The following CNTNAP2 variants were observed in gnomAD, a reference collection of about 807,000 sequenced individuals.
CNTNAP2 encodes contactin-associated protein-like 2.
A neutral mutation model predicts 155.2 loss-of-function variants in CNTNAP2; 98 were observed. The ratio of observed to expected loss-of-function variants is 0.63; its 90% CI spans 0.54 to 0.75. CNTNAP2 has a LOEUF of 0.75. CNTNAP2 is among the 30% of genes least tolerant of loss of function. The pLI is 0.00. For synonymous variants in CNTNAP2, 651 were observed against 631.2 expected, an observed-to-expected ratio of 1.03 and a Z score of -0.47; for missense variants, 1,727 against 1,688.1, an observed-to-expected ratio of 1.02 and a Z score of -0.40.
intron 3 of CNTNAP2, among the ~76,000 whole-genome samples, chr7:146,952,208 G>A (rs1197286800): frequency 6.6e-6 from 1 of 152,038 alleles, no homozygotes; most frequent in Non-Finnish European, 1.5e-5. Context: ...TGCTGAAAAG[G>A]CCTTCGATAA....
intron 17 of CNTNAP2, among the ~76,000 whole-genome samples, chr7:148,159,128 G>A (rs535339252): frequency 3.9e-5 from 6 of 152,170 alleles, no homozygotes; most frequent in South Asian, 2.1e-4. Context: ...CTGCTCCTTC[G>A]TGTTTTCAAG....
At chr7:147,738,032 C>A (rs28869855) in intron 13 of CNTNAP2, among the ~76,000 whole-genome samples, 8,423 of 152,226 alleles carry the variant, frequency 0.055, 744 homozygotes, top group African/African-American at 0.19. Flanking sequence ...GTCCTGCACC[C>A]ACTGTCCAAC....
rs950296164 is a variant in CNTNAP2, at chr7:146,495,219, A to C, written c.98-279052A>C. ...TATGTTTGACATGTATCTGGATCCA[A>C]GGGAGAGAACAGATTTCCCAAAACA... On this transcript the variant is annotated intron_variant, in intron 1 of 23. Coordinates refer to ENST00000361727, the MANE Select transcript of CNTNAP2 (RefSeq NM_014141.6). Among the ~76,000 whole-genome samples, 5 of 152,344 alleles carry C rather than the reference A, an allele frequency of 3.3e-5. No homozygotes were observed. In the East Asian group the frequency reaches 5.8e-4, roughly 18 times the overall value.
chr7:148,045,211 C>T (rs1329713443), intron 15 of CNTNAP2, among the ~76,000 whole-genome samples: 2 of 152,126 alleles, frequency 1.3e-5, no homozygotes, highest in Non-Finnish European at 2.9e-5. Flanking sequence ...CCTGGACACG[C>T]AGGCTCCACC....
At chr7:146,432,192 A>C (rs1796182788) in intron 1 of CNTNAP2, among the ~76,000 whole-genome samples, 1 of 152,172 alleles carries the variant, frequency 6.6e-6, no homozygotes, top group African/African-American at 2.4e-5. Context: ...AGAAAAAAAC[A>C]TATTTGAATC....
intron 14 of CNTNAP2, among the ~76,000 whole-genome samples, chr7:147,906,360 G>T (rs1004854492): frequency 6.6e-6 from 1 of 151,642 alleles, no homozygotes; most frequent in African/African-American, 2.4e-5. Flanking sequence ...TAGTACAGAC[G>T]GGGTTTCACC....
chr7:146,723,021 A>G lies in CNTNAP2; in HGVS notation c.98-51250A>G, dbSNP rs566642779. ...CATAACAAGACTCCATCTCAAAAAA[A>G]TTTTCTTAATAAACATATATGTTGA... On this transcript the variant is annotated intron_variant, in intron 1 of 23. Coordinates refer to ENST00000361727, the MANE Select transcript of CNTNAP2 (RefSeq NM_014141.6). 1.3e-4 allele frequency among the ~76,000 whole-genome samples: 20 copies of G among 152,128 alleles called. No homozygotes were observed. In the South Asian group the frequency reaches 3.9e-3, roughly 30 times the overall value.
rs140773386 is a variant in CNTNAP2 at position 148,106,550 on chromosome 7, G to A, written c.2384-11568G>A. Among the ~76,000 whole-genome samples the A allele has an allele frequency of 5.8e-3, 807 of 138,594 alleles. 4 individuals carry two copies. Among genetic ancestry groups the A allele is most frequent in the African/African-American group, 0.022 (724 of 32,684 alleles). 90.9% of individuals were successfully genotyped at this position (138,594 alleles called of 152,430 possible). On this transcript the variant is annotated intron_variant, in intron 15 of 23. Transcript: ENST00000361727. ...TTTTTTTTTCCTAATAAATAGAGAC[G>A]AGGTCTCACTATGTCGCCCAGGCTG...
At chr7:147,175,542 C>T (rs1802322341) in intron 8 of CNTNAP2, among the ~76,000 whole-genome samples, 1 of 152,096 alleles carries the variant, frequency 6.6e-6, no homozygotes, top group Non-Finnish European at 1.5e-5. Context: ...CCTTCCCTCC[C>T]AGTGAAACCA....
At chr7:146,549,575 C>T (rs946486368) in intron 1 of CNTNAP2, among the ~76,000 whole-genome samples, 1 of 152,032 alleles carries the variant, frequency 6.6e-6, no homozygotes, top group South Asian at 2.1e-4. Context: ...TATCTATTTG[C>T]AGCCTCTCTG....
intron 12 of CNTNAP2, among the ~76,000 whole-genome samples, chr7:147,565,424 T>G (rs2116796393): frequency 6.6e-6 from 1 of 152,230 alleles, no homozygotes; most frequent in African/African-American, 2.4e-5. Context: ...TATGGAAAGA[T>G]TTTAAGCAGG....
At chr7:147,936,555 G>T (rs1294667133) in intron 14 of CNTNAP2, among the ~76,000 whole-genome samples, 1 of 152,076 alleles carries the variant, frequency 6.6e-6, no homozygotes, top group Non-Finnish European at 1.5e-5. Context: ...TCTGGAGTTG[G>T]TTTTGCTTCA....
intron 8 of CNTNAP2, among the ~76,000 whole-genome samples, chr7:147,279,159 T>C (rs1332712903): frequency 2.0e-5 from 3 of 151,764 alleles, no homozygotes; most frequent in East Asian, 1.9e-4. Context: ...GTGATAGATA[T>C]ACTTGGATTT....
At chr7:147,695,254 G>A (rs1406226150) in intron 13 of CNTNAP2, among the ~76,000 whole-genome samples, 2 of 152,162 alleles carry the variant, frequency 1.3e-5, no homozygotes, top group Non-Finnish European at 2.9e-5. Context: ...TTATTACCCA[G>A]AACGTGATCT....
chr7:148,096,561 C>T (rs989234190), intron 15 of CNTNAP2, among the ~76,000 whole-genome samples: 1 of 152,062 alleles, frequency 6.6e-6, no homozygotes, highest in South Asian at 2.1e-4. Flanking sequence ...GAAGCCACCA[C>T]GTCATAAAGG....
intron 3 of CNTNAP2, among the ~76,000 whole-genome samples, chr7:146,949,152 A>G (rs904491469): frequency 2.0e-5 from 3 of 152,208 alleles, no homozygotes; most frequent in Non-Finnish European, 2.9e-5. Context: ...ATCAGGATAC[A>G]TAGAAGGAAA....
intron 1 of CNTNAP2, among the ~76,000 whole-genome samples, chr7:146,192,914 G>C (rs1798726734): frequency 6.6e-6 from 1 of 152,144 alleles, no homozygotes; most frequent in Admixed American, 6.5e-5. Flanking sequence ...ACAGGCATAG[G>C]GTAAATACAC....
At chr7:146,656,846 G>A (rs1428680258) in intron 1 of CNTNAP2, among the ~76,000 whole-genome samples, 3 of 152,078 alleles carry the variant, frequency 2.0e-5, no homozygotes, top group Non-Finnish European at 4.4e-5. Flanking sequence ...AATCAAGATA[G>A]AAAACAAAAG....
chr7:147,636,701 A>G (rs557761293), intron 12 of CNTNAP2, among the ~76,000 whole-genome samples: 1 of 152,130 alleles, frequency 6.6e-6, no homozygotes, highest in Non-Finnish European at 1.5e-5. Context: ...ACTTTCGTTA[A>G]TTCCTCTTTC....
Sources: gnomAD v4.1 joint callset for allele counts (sites outside exome capture counted in the v4.1 genomes callset) on GRCh38, gnomAD v4.1.1 for gene constraint, MANE v1.5 for transcripts, NCBI Gene and HGNC (gene_info 2026-07-23, HGNC 2026-07-21) for gene names.